FSIP1: variants seen among roughly 807,000 people sequenced by gnomAD.
FSIP1 encodes the protein fibrous sheath-interacting protein 1.
In FSIP1, 65 loss-of-function variants were observed where a neutral mutation model predicts 60.9. The ratio of observed to expected loss-of-function variants is 1.07; its 90% CI spans 0.87 to 1.31. FSIP1 has a LOEUF of 1.31. FSIP1 is among the 40% of genes most tolerant of loss of function. FSIP1 has a pLI of 0.00. For missense variants in FSIP1, 675 were observed against 665.5 expected (o/e 1.01, Z -0.16); for synonymous variants, 209 against 221.2 (o/e 0.94, Z 0.49).
At chr15:39,744,748 GTC>G (rs796166106) in intron 5 of FSIP1, among the ~76,000 whole-genome samples, 26 of 141,932 alleles carry the variant, frequency 1.8e-4, no homozygotes, top group East Asian at 8.2e-4. Context: ...CTGTCTGTCT[GTC>G]TCTCTCTCTC....
At chr15:39,641,767 G>A (rs1203799358) in intron 10 of FSIP1, among the ~76,000 whole-genome samples, 1 of 152,040 alleles carries the variant, frequency 6.6e-6, no homozygotes, top group East Asian at 1.9e-4. Flanking sequence ...AACCGCGCAA[G>A]ACTATAACGT....
intron 3 of FSIP1, among the ~76,000 whole-genome samples, chr15:39,766,967 C>G (rs1034693101): frequency 6.6e-6 from 1 of 152,112 alleles, no homozygotes; most frequent in Non-Finnish European, 1.5e-5. Flanking sequence ...AGCTTCTGAA[C>G]AGCCAGAGCC....
intron 10 of FSIP1, among the ~76,000 whole-genome samples, chr15:39,666,195 A>T (rs1158130752): frequency 1.3e-5 from 2 of 152,108 alleles, no homozygotes; most frequent in Non-Finnish European, 2.9e-5. Flanking sequence ...AATAAGATAA[A>T]CCTTTGTGTG....
Position 39,776,520 on chromosome 15 carries a change from T to G in FSIP1, c.5A>C (p.Asp2Ala). The change falls in exon 2 of 12, where the codon GAT becomes GCT. Residue 2 changes from aspartate (D) to alanine (A), a missense_variant. Transcript: ENST00000350221. M[D>A]IIKGNLDGIS... is the part of the protein sequence containing the mutation. Reference sequence around the variant, plus strand: ...TCCATCTAGGTTTCCCTTTATAATATCCATTGAAATCCTGAAACAACAAAT... The same window carrying G: ...TCCATCTAGGTTTCCCTTTATAATAGCCATTGAAATCCTGAAACAACAAAT... 6.3e-7 allele frequency: 1 copy of G among 1,585,676 alleles called. No individual in the cohort carries two copies. The highest frequency in any genetic ancestry group is 1.1e-5 in the South Asian group (1 of 88,456).
intron 5 of FSIP1, among the ~76,000 whole-genome samples, chr15:39,762,559 G>A (rs778079082): frequency 6.6e-6 from 1 of 152,186 alleles, no homozygotes; most frequent in Non-Finnish European, 1.5e-5. Flanking sequence ...GCCAGGAACT[G>A]GCCACCATCA....
rs147336408 is a variant in FSIP1 at position 39,732,944 on chromosome 15, C to T, written c.891+5147G>A. Among the ~76,000 whole-genome samples, 836 of 152,328 alleles carry T rather than the reference C, an allele frequency of 5.5e-3. 10 individuals are homozygous for T. The highest frequency in any genetic ancestry group is 0.019 in the African/African-American group (808 of 41,560). On this transcript the variant is annotated intron_variant, in intron 8 of 11. Transcript: ENST00000350221. ...CTGCTTCTTCCTCTGAATTTCTATT[C>T]TAACATTTGTCACCATCCATCGGAC...
rs1176298095 is a variant in FSIP1, at chr15:39,770,538, T to C, written c.199A>G (p.Thr67Ala). The C allele has an allele frequency of 6.2e-7, 1 of 1,611,058 alleles. No homozygotes were observed. Among genetic ancestry groups the C allele is most frequent in the Non-Finnish European group, 8.5e-7 (1 of 1,179,374 alleles). ...CTTTCCTGCTTATCATCATTACTAG[T>C]TCTTCTGTTCTCTGTATTACTGCTT... ...SESSNTENRR[T>A]SNDDKQESCS... Residue 67 changes from threonine to alanine, a missense_variant, in exon 3 of 12, where the codon ACT becomes GCT. Transcript: ENST00000350221.
chr15:39,755,015 G>A (rs1897259743), intron 5 of FSIP1, among the ~76,000 whole-genome samples: 1 of 151,988 alleles, frequency 6.6e-6, no homozygotes. Context: ...CAAGAAGTCT[G>A]ACCTTTAAGG....
intron 10 of FSIP1, among the ~76,000 whole-genome samples, chr15:39,698,818 A>T (rs1224117312): frequency 6.6e-6 from 1 of 152,224 alleles, no homozygotes; most frequent in African/African-American, 2.4e-5. Flanking sequence ...GAGGAATGTT[A>T]ACCATTTTAT....
intron 5 of FSIP1, among the ~76,000 whole-genome samples, chr15:39,743,800 T>C (rs1896885198): frequency 6.6e-6 from 1 of 152,056 alleles, no homozygotes; most frequent in South Asian, 2.1e-4. Context: ...AGAAGGACAC[T>C]ATCACTTCTG....
At chr15:39,667,664 A>G (rs1893550932) in intron 10 of FSIP1, among the ~76,000 whole-genome samples, 1 of 152,196 alleles carries the variant, frequency 6.6e-6, no homozygotes. Context: ...AGGCAGTCTT[A>G]GCGGGAGAGT....
intron 11 of FSIP1, among the ~76,000 whole-genome samples, chr15:39,604,195 T>G (rs1890742476): frequency 6.6e-6 from 1 of 152,224 alleles, no homozygotes; most frequent in South Asian, 2.1e-4. Flanking sequence ...CCTCCCAAAG[T>G]GCTGGGATTA....
intron 10 of FSIP1, among the ~76,000 whole-genome samples, chr15:39,626,652 T>A (rs1224306578): frequency 1.3e-5 from 2 of 152,188 alleles, no homozygotes; most frequent in Non-Finnish European, 2.9e-5. Flanking sequence ...GTTTTAAAAG[T>A]GACAGTTTCC....
chr15:39,725,877 TG>T (rs1037268644), intron 9 of FSIP1, among the ~76,000 whole-genome samples: 11 of 151,892 alleles, frequency 7.2e-5, no homozygotes, highest in Admixed American at 2.0e-4. Context: ...CTCCACCTCC[TG>T]GGTTCAAACG....
chr15:39,765,436 G>A (rs1233859488), intron 4 of FSIP1, among the ~76,000 whole-genome samples, 156 bp downstream of exon 4: 5 of 151,636 alleles, frequency 3.3e-5, no homozygotes. Flanking sequence ...TACAGATGGG[G>A]TCTCTTTATG....
At chr15:39,714,380 C>T (rs1245918893) in intron 9 of FSIP1, among the ~76,000 whole-genome samples, 3 of 151,754 alleles carry the variant, frequency 2.0e-5, no homozygotes, top group Non-Finnish European at 2.9e-5. Context: ...TTCTCACATA[C>T]ATCTGCTCTG....
intron 8 of FSIP1, among the ~76,000 whole-genome samples, chr15:39,737,071 T>C (rs1285210674): frequency 1.3e-5 from 2 of 152,288 alleles, no homozygotes; most frequent in South Asian, 2.1e-4. Context: ...CACTCCATCA[T>C]GTCCTTATTA....
At chr15:39,648,101 T>A (rs1041932577) in intron 10 of FSIP1, among the ~76,000 whole-genome samples, 1 of 148,268 alleles carries the variant, frequency 6.7e-6, no homozygotes, top group Non-Finnish European at 1.5e-5. Flanking sequence ...CGCACAAGCA[T>A]GGCACATGTA....
chr15:39,776,041 A>C lies in FSIP1; in HGVS notation c.126+358T>G, dbSNP rs1278354568. On this transcript the variant is annotated intron_variant, in intron 2 of 11. Coordinates refer to ENST00000350221, the MANE Select transcript of FSIP1 (RefSeq NM_152597.5). ...GGAATACAAAACTTCCTTATAAAGA[A>C]AAAAAGAGTCGATACACAAGTTTTA... Among the ~76,000 whole-genome samples, 3 of 151,470 alleles carry C rather than the reference A, an allele frequency of 2.0e-5. No individual in the cohort carries two copies. In the East Asian group the frequency reaches 5.8e-4, roughly 29 times the overall value.
Sources: allele counts gnomAD v4.1 joint callset (sites outside exome capture counted in the v4.1 genomes callset), GRCh38; gene constraint gnomAD v4.1.1; transcripts MANE v1.5; gene names NCBI Gene and HGNC (gene_info 2026-07-23, HGNC 2026-07-21).